The following UBE3A variants were observed in gnomAD, a reference collection of about 807,000 sequenced individuals.
UBE3A encodes ubiquitin-protein ligase E3A.
Under a neutral mutation model 83.4 loss-of-function variants are expected in UBE3A, and 6 were observed. The ratio of observed to expected loss-of-function variants is 0.07; its 90% CI spans 0.04 to 0.14. The LOEUF (loss-of-function observed/expected upper bound fraction) is 0.14, where lower values mean the gene tolerates loss of function less well. Among genes scored for constraint, UBE3A ranks in the 10% least tolerant of loss-of-function variants. The probability of loss-of-function intolerance (pLI) is 1.00; values close to 1 mark genes in which losing one functional copy is unlikely to be tolerated. For missense variants in UBE3A, 456 were observed against 1,036.1 expected (o/e 0.44, Z 7.69); for synonymous variants, 337 against 355.4 (o/e 0.95, Z 0.58).
At chr15:25,422,753 T>C (rs1394813454) in intron 1 of UBE3A, among the ~76,000 whole-genome samples, 1 of 147,460 alleles carries the variant, frequency 6.8e-6, no homozygotes, top group African/African-American at 2.5e-5. Context: ...GGTGGGAGGA[T>C]AGCTTGAGGC....
rs537261670 is a variant in UBE3A at position 25,429,157 on chromosome 15, A to G, written c.-165+9332T>C. ...AATTTAATACAAAAACCAACACCACATATCACTTACAGATACATGTACACA... is the reference window on the plus strand; with the variant it reads ...AATTTAATACAAAAACCAACACCACGTATCACTTACAGATACATGTACACA... On this transcript the variant is annotated intron_variant, in intron 1 of 12. Coordinates refer to ENST00000648336, the MANE Select transcript of UBE3A (RefSeq NM_130839.5). Among the ~76,000 whole-genome samples the G allele has an allele frequency of 6.0e-5, 9 of 150,586 alleles. No individual in the cohort carries two copies. The South Asian group carries it at 6.2e-4, about 10-fold the overall frequency.
intron 4 of UBE3A, among the ~76,000 whole-genome samples, chr15:25,394,881 G>A (rs1362477473): frequency 6.6e-6 from 1 of 152,204 alleles, no homozygotes; most frequent in Non-Finnish European, 1.5e-5. Flanking sequence ...GCCAGGCACT[G>A]TCATTAGGCT....
At chr15:25,431,106 C>T (rs888892896) in intron 1 of UBE3A, among the ~76,000 whole-genome samples, 1 of 152,200 alleles carries the variant, frequency 6.6e-6, no homozygotes, top group Non-Finnish European at 1.5e-5. Flanking sequence ...TTCAATACTA[C>T]AGTCAACTTT....
At position 25,411,495 on chromosome 15, in the gene UBE3A, C is replaced by T. The variant is rs919528023; in HGVS notation, c.-101+413G>A. 3.9e-5 allele frequency among the ~76,000 whole-genome samples: 6 copies of T among 152,250 alleles called. No individual in the cohort carries two copies. In the South Asian group the frequency reaches 1.0e-3, roughly 26 times the overall value. On this transcript the variant is annotated intron_variant, in intron 2 of 12. Coordinates refer to ENST00000648336, the MANE Select transcript of UBE3A (RefSeq NM_130839.5). Reference sequence around the variant, plus strand: ...ATCCCAGCTACCTGGGAGGCCAAGGCATGAGAATCACTTGAACCTGGGAGA... The same window carrying T: ...ATCCCAGCTACCTGGGAGGCCAAGGTATGAGAATCACTTGAACCTGGGAGA...
intron 1 of UBE3A, among the ~76,000 whole-genome samples, chr15:25,437,685 C>G (rs757445310): frequency 6.6e-5 from 10 of 152,086 alleles, no homozygotes; most frequent in Non-Finnish European, 1.3e-4. Flanking sequence ...AAAATGTAGA[C>G]GCTAAATTCT....
intron 1 of UBE3A, chr15:25,415,982 G>A (rs993053832): frequency 2.0e-5 from 3 of 151,606 alleles, no homozygotes; most frequent in South Asian, 2.1e-4. Context: ...TTTAAGAAAC[G>A]TTTTTTCAAA....
At chr15:25,378,838 T>C (rs1325670537) in intron 4 of UBE3A, among the ~76,000 whole-genome samples, 2 of 152,208 alleles carry the variant, frequency 1.3e-5, no homozygotes, top group African/African-American at 4.8e-5. Context: ...TGCATCTATC[T>C]GGTACCACAA....
At chr15:25,422,502 T>C (rs1434764890) in intron 1 of UBE3A, among the ~76,000 whole-genome samples, 1 of 152,084 alleles carries the variant, frequency 6.6e-6, no homozygotes, top group Non-Finnish European at 1.5e-5. Flanking sequence ...AAGGATGCCT[T>C]ACAAGACAAT....
intron 11 of UBE3A, among the ~76,000 whole-genome samples, chr15:25,341,662 C>T (rs1262088749): frequency 6.7e-6 from 1 of 150,090 alleles, no homozygotes; most frequent in Non-Finnish European, 1.5e-5. Flanking sequence ...ACTTGGGAGG[C>T]CAAGGCAGAA....
chr15:25,370,961 T>C lies in UBE3A; in HGVS notation c.1213A>G (p.Thr405Ala). ...EEPIPESSELTLQELLGEERR... is the reference protein window; with the variant it reads ...EEPIPESSELALQELLGEERR... ...TCTTCTCCCAAAAGTTCCTGAAGTG[T>C]CAGCTCGCTGGACTCAGGGATGGGC... The change falls in exon 6 of 13, where the codon ACA (threonine) becomes GCA (alanine). Residue 405 changes from threonine to alanine, a missense_variant. This residue lies in a region of UBE3A where 85 missense variants were observed against 137.0 expected (regional missense o/e 0.62). Transcript: ENST00000648336. This position sits in a 1 kb window ranked among gnomAD's most constrained non-coding sequence, Gnocchi z 4.2. 6.2e-7 allele frequency: 1 copy of C among 1,614,110 alleles called. No homozygotes were observed. Among genetic ancestry groups the C allele is most frequent in the Non-Finnish European group, 8.5e-7 (1 of 1,180,008 alleles).
chr15:25,336,342 G>T lies in UBE3A; in HGVS notation c.*2795C>A, dbSNP rs1448407395. The T allele has an allele frequency of 6.6e-6, 1 of 152,134 alleles. No individual in the cohort carries two copies. Among genetic ancestry groups the T allele is most frequent in the Non-Finnish European group, 1.5e-5 (1 of 68,030 alleles). The allele number at this position is 152,134 out of a possible 1,614,324, so 9.4% of individuals were successfully genotyped here. On this transcript the variant is annotated 3_prime_UTR_variant, in exon 13 of 13. Coordinates refer to ENST00000648336, the MANE Select transcript of UBE3A (RefSeq NM_130839.5). ...AAGACTACACAGGGACTAGTCTTGG[G>T]ACGACATTTCTTCCTCTGACAGTTT...
At chr15:25,386,438 C>T (rs1461786688) in intron 4 of UBE3A, among the ~76,000 whole-genome samples, 1 of 152,104 alleles carries the variant, frequency 6.6e-6, no homozygotes, top group East Asian at 1.9e-4. Flanking sequence ...ATGCTAAGGG[C>T]CCTAACGAAC....
At chr15:25,382,307 C>G (rs981833851) in intron 4 of UBE3A, among the ~76,000 whole-genome samples, 2 of 149,128 alleles carry the variant, frequency 1.3e-5, no homozygotes, top group Admixed American at 6.7e-5. Context: ...GGCAAAAGAG[C>G]GAGACTCTGT....
chr15:25,395,656 T>G (rs1437586557), intron 4 of UBE3A, among the ~76,000 whole-genome samples: 1 of 152,152 alleles, frequency 6.6e-6, no homozygotes, highest in Non-Finnish European at 1.5e-5. Context: ...AGGTTAAGTT[T>G]GAGAACCAGA....
chr15:25,385,147 A>G (rs1442416117), intron 4 of UBE3A, among the ~76,000 whole-genome samples: 2 of 152,208 alleles, frequency 1.3e-5, no homozygotes, highest in African/African-American at 4.8e-5. Context: ...AGCAAACAGT[A>G]AATGGAGTAA....
intron 1 of UBE3A, among the ~76,000 whole-genome samples, chr15:25,424,105 A>G (rs998346698): frequency 6.6e-6 from 1 of 152,132 alleles, no homozygotes; most frequent in African/African-American, 2.4e-5. Flanking sequence ...AAGACTTCCA[A>G]TAGCTTCCCA....
intron 1 of UBE3A, among the ~76,000 whole-genome samples, chr15:25,433,315 T>A (rs547787907): frequency 1.3e-5 from 2 of 152,064 alleles, no homozygotes; most frequent in African/African-American, 4.8e-5. Flanking sequence ...TCCTGAGTAG[T>A]TGGGACTACA....
chr15:25,393,092 A>G (rs1031735051), intron 4 of UBE3A, among the ~76,000 whole-genome samples: 23 of 152,198 alleles, frequency 1.5e-4, no homozygotes, highest in African/African-American at 5.3e-4. Context: ...TGCCTTTTCA[A>G]TAACTGAAAC....
intron 11 of UBE3A, among the ~76,000 whole-genome samples, chr15:25,343,788 A>G (rs1432112911): frequency 6.6e-6 from 1 of 152,178 alleles, no homozygotes; most frequent in Non-Finnish European, 1.5e-5. Context: ...AAAGTGAAGA[A>G]AACGACCAGC....
Sources: gnomAD v4.1 joint callset for allele counts (sites outside exome capture counted in the v4.1 genomes callset) on GRCh38, gnomAD v4.1.1 for gene constraint, gnomAD v4.1.1 regional missense constraint, Gnocchi (gnomAD v3.1) non-coding constraint, MANE v1.5 for transcripts, NCBI Gene and HGNC (gene_info 2026-07-23, HGNC 2026-07-21) for gene names.